PALM2AKAP2: variants seen among roughly 807,000 people sequenced by gnomAD.
The protein encoded by PALM2AKAP2 is PALM2-AKAP2 fusion protein.
In PALM2AKAP2, 37 loss-of-function variants were observed where a neutral mutation model predicts 71.5. The observed-to-expected ratio is 0.52, with a 90% confidence interval of 0.40 to 0.68. The LOEUF (loss-of-function observed/expected upper bound fraction) is 0.68. Ranked by LOEUF, PALM2AKAP2 falls within the 30% of genes least tolerant of loss-of-function variation. The probability of loss-of-function intolerance (pLI) is 0.00; values close to 1 mark genes in which losing one functional copy is unlikely to be tolerated. For missense variants in PALM2AKAP2, 1,224 were observed against 1,191.8 expected, an observed-to-expected ratio of 1.03 and a Z score of -0.40; for synonymous variants, 468 against 478.8, an observed-to-expected ratio of 0.98 and a Z score of 0.29.
intron 1 of PALM2AKAP2, among the ~76,000 whole-genome samples, chr9:110,115,238 G>A (rs1268467443): frequency 6.6e-6 from 1 of 152,230 alleles, no homozygotes; most frequent in Non-Finnish European, 1.5e-5. Flanking sequence ...CAAGAGAGGT[G>A]TGAATCCATG....
intron 3 of PALM2AKAP2, among the ~76,000 whole-genome samples, chr9:109,897,511 A>T (rs1321847885): frequency 6.6e-6 from 1 of 152,078 alleles, no homozygotes; most frequent in East Asian, 1.9e-4. Flanking sequence ...CCCCGGAGGC[A>T]GAGGTTGCAG....
intron 1 of PALM2AKAP2, among the ~76,000 whole-genome samples, chr9:109,847,922 C>T (rs1383044436): frequency 6.6e-6 from 1 of 152,152 alleles, no homozygotes; most frequent in East Asian, 1.9e-4. Flanking sequence ...AGTAAGTCCA[C>T]CTTTTACAGA....
chr9:110,011,014 A>AAAAAT lies in PALM2AKAP2; in HGVS notation c.497-4939_497-4938insAAATA, dbSNP rs35212981. Among the ~76,000 whole-genome samples, 318 of 69,460 alleles carry AAAAAT rather than the reference A, an allele frequency of 4.6e-3. 3 individuals are homozygous for AAAAAT. Among genetic ancestry groups the AAAAAT allele is most frequent in the East Asian group, 7.8e-3 (22 of 2,836 alleles). 45.6% of individuals were successfully genotyped at this position (69,460 alleles called of 152,430 possible). ...TCTGTCTCAAAAAAAAAAAAAAAAA[A>AAAAAT]ATATATATATATATATATATATACT... On this transcript the variant is annotated intron_variant, in intron 6 of 9. Coordinates refer to the PALM2AKAP2 transcript ENST00000302798.
At chr9:109,773,656 T>C (rs560862747) in intron 1 of PALM2AKAP2, among the ~76,000 whole-genome samples, 6 of 152,186 alleles carry the variant, frequency 3.9e-5, no homozygotes, top group Non-Finnish European at 8.8e-5. Context: ...ATTTTACAAA[T>C]AGAGAACCTC....
chr9:109,954,250 A>G (rs1416645493), intron 6 of PALM2AKAP2, among the ~76,000 whole-genome samples: 1 of 152,028 alleles, frequency 6.6e-6, no homozygotes, highest in Non-Finnish European at 1.5e-5. Flanking sequence ...TATTGTTACT[A>G]TTTCACCACT....
intron 1 of PALM2AKAP2, among the ~76,000 whole-genome samples, chr9:109,663,495 T>A (rs1827432823): frequency 6.6e-6 from 1 of 152,174 alleles, no homozygotes; most frequent in Admixed American, 6.5e-5. Context: ...AGTTGTGTGG[T>A]TTTGAGTGAG....
intron 2 of PALM2AKAP2, among the ~76,000 whole-genome samples, chr9:109,872,650 T>C (rs1829631118): frequency 6.6e-6 from 1 of 152,206 alleles, no homozygotes; most frequent in Non-Finnish European, 1.5e-5. Context: ...GAAAGCTGAA[T>C]GAAAAAAGAT....
At chr9:110,112,896 C>T (rs982856814) in intron 1 of PALM2AKAP2, among the ~76,000 whole-genome samples, 2 of 152,236 alleles carry the variant, frequency 1.3e-5, no homozygotes, top group African/African-American at 2.4e-5. Context: ...GCATAAAAAT[C>T]GCATGGTCTA....
chr9:109,805,330 G>A (rs1337418679), intron 1 of PALM2AKAP2, among the ~76,000 whole-genome samples: 2 of 152,180 alleles, frequency 1.3e-5, no homozygotes, highest in Admixed American at 6.5e-5. Context: ...AAAATATCTG[G>A]GAAGGTGGGC....
chr9:109,719,956 A>G (rs1249376189), intron 1 of PALM2AKAP2, among the ~76,000 whole-genome samples: 1 of 152,014 alleles, frequency 6.6e-6, no homozygotes. Context: ...AATAAACATG[A>G]TAGCTACTAA....
chr9:109,893,515 C>A (rs1830134229), intron 3 of PALM2AKAP2, among the ~76,000 whole-genome samples: 1 of 152,170 alleles, frequency 6.6e-6, no homozygotes, highest in African/African-American at 2.4e-5. Context: ...GTGATCTTAG[C>A]TCACTGCAAC....
chr9:110,142,755 A>T (rs558381253), intron 2 of PALM2AKAP2, among the ~76,000 whole-genome samples: 1 of 152,354 alleles, frequency 6.6e-6, no homozygotes, highest in African/African-American at 2.4e-5. Context: ...TTTAAGAGTA[A>T]GTTAATGGAA....
At chr9:110,140,259 G>A (rs1835993099) in intron 2 of PALM2AKAP2, among the ~76,000 whole-genome samples, 1 of 152,138 alleles carries the variant, frequency 6.6e-6, no homozygotes, top group South Asian at 2.1e-4. Context: ...TACAGCTCAC[G>A]GGAGCCCTTT....
intron 1 of PALM2AKAP2, among the ~76,000 whole-genome samples, chr9:110,094,418 T>C (rs919374632): frequency 1.3e-5 from 2 of 152,184 alleles, no homozygotes; most frequent in Non-Finnish European, 2.9e-5. Flanking sequence ...AAGAAATACC[T>C]GAAACTGGGT....
intron 1 of PALM2AKAP2, among the ~76,000 whole-genome samples, chr9:110,049,216 C>A (rs972110863): frequency 6.6e-6 from 1 of 152,280 alleles, no homozygotes; most frequent in Middle Eastern, 3.4e-3. Context: ...GCAGTGAAAT[C>A]AAATGTGGTC....
At chr9:109,881,876 CTTTTTTT>C (rs565835467) in intron 3 of PALM2AKAP2, among the ~76,000 whole-genome samples, 6,139 of 94,952 alleles carry the variant, frequency 0.065, 336 homozygotes, top group African/African-American at 0.14. Context: ...CTTATGAGCT[CTTTTTTT>C]TTTTTTTTTT....
intron 1 of PALM2AKAP2, among the ~76,000 whole-genome samples, chr9:109,798,799 A>G (rs150616422): frequency 3.2e-4 from 48 of 152,358 alleles, no homozygotes; most frequent in African/African-American, 1.2e-3. Context: ...TTTGTGCCTG[A>G]AGGAGCAGGA....
chr9:110,115,919 G>A (rs1251871979), intron 1 of PALM2AKAP2, among the ~76,000 whole-genome samples: 1 of 152,194 alleles, frequency 6.6e-6, no homozygotes, highest in East Asian at 1.9e-4. Flanking sequence ...CATCGAAAAA[G>A]CATCTCTGAT....
chr9:109,937,170 A>C (rs562097974), intron 6 of PALM2AKAP2, among the ~76,000 whole-genome samples: 1 of 152,294 alleles, frequency 6.6e-6, no homozygotes, highest in African/African-American at 2.4e-5. Flanking sequence ...ATCAGAACCA[A>C]ACATTCTCTG....
Sources: gnomAD v4.1 joint callset for allele counts (sites outside exome capture counted in the v4.1 genomes callset) on GRCh38, gnomAD v4.1.1 for gene constraint, MANE v1.5 for transcripts, NCBI Gene and HGNC (gene_info 2026-07-23, HGNC 2026-07-21) for gene names.